Variants in DCP2 observed in about 807,000 individuals in gnomAD.
The protein encoded by DCP2 is decapping mRNA 2.
In DCP2, 30 loss-of-function variants were observed where a neutral mutation model predicts 56.1. That is an observed-to-expected ratio of 0.53 (90% confidence interval 0.40 to 0.73). The LOEUF (loss-of-function observed/expected upper bound fraction) is 0.73. Among genes scored for constraint, DCP2 ranks in the 30% least tolerant of loss-of-function variants. The probability of loss-of-function intolerance (pLI) is 0.00; values close to 1 mark genes in which losing one functional copy is unlikely to be tolerated. For missense variants in DCP2, 533 were observed against 502.7 expected, an observed-to-expected ratio of 1.06 and a Z score of -0.58; for synonymous variants, 197 against 163.3, an observed-to-expected ratio of 1.21 and a Z score of -1.57.
chr5:112,989,816 G>C (rs956116058), intron 2 of DCP2, among the ~76,000 whole-genome samples: 22 of 152,286 alleles, frequency 1.4e-4, no homozygotes, highest in Admixed American at 3.9e-4. Flanking sequence ...ATTGGATTCT[G>C]AGAATCCAGT....
intron 4 of DCP2, among the ~76,000 whole-genome samples, chr5:112,994,163 C>CTTTTT (rs771514208): frequency 1.3e-3 from 99 of 75,146 alleles, no homozygotes; most frequent in African/African-American, 3.6e-3. Context: ...TTTTTTCTTT[C>CTTTTT]TTTTTTTTTT....
intron 8 of DCP2, among the ~76,000 whole-genome samples, chr5:113,006,994 C>T (rs941029366): frequency 3.9e-5 from 6 of 151,968 alleles, no homozygotes; most frequent in East Asian, 3.9e-4. Flanking sequence ...AAAAATTAGC[C>T]GGGCATGGTG....
chr5:112,995,495 A>T (rs1748806414), intron 4 of DCP2, among the ~76,000 whole-genome samples: 1 of 152,192 alleles, frequency 6.6e-6, no homozygotes, highest in Non-Finnish European at 1.5e-5. Context: ...CCAGGTCAGG[A>T]AGAGGATATT....
intron 2 of DCP2, among the ~76,000 whole-genome samples, chr5:112,986,858 C>T (rs1474923597): frequency 2.0e-5 from 3 of 152,058 alleles, no homozygotes; most frequent in African/African-American, 4.8e-5. Context: ...AAACAGTTAC[C>T]TGGGCATGGT....
intron 4 of DCP2, among the ~76,000 whole-genome samples, chr5:113,000,420 A>ACACCCACACC (rs1554100629): frequency 2.0e-5 from 3 of 146,760 alleles, no homozygotes; most frequent in South Asian, 2.1e-4. Context: ...ACACACACAC[A>ACACCCACACC]CACACCCACA....
At chr5:112,980,445 C>G (rs1161416521) in intron 1 of DCP2, among the ~76,000 whole-genome samples, 1 of 152,170 alleles carries the variant, frequency 6.6e-6, no homozygotes, top group Non-Finnish European at 1.5e-5. Flanking sequence ...AATCCTTGTG[C>G]TAATGTCCTG....
chr5:112,999,315 T>C (rs936109530), intron 4 of DCP2, among the ~76,000 whole-genome samples: 5 of 152,070 alleles, frequency 3.3e-5, no homozygotes, highest in African/African-American at 1.2e-4. Context: ...AAAAATTACT[T>C]TTTAAACCTT....
chr5:112,985,845 T>C lies in DCP2; in HGVS notation c.64T>C (p.Leu22=), dbSNP rs1239923911. The C allele has an allele frequency of 6.2e-7, 1 of 1,603,012 alleles. No homozygotes were observed. The change falls in exon 2 of 11, where the codon TTG becomes CTG. Residue 22 remains leucine, a synonymous_variant. Coordinates refer to ENST00000389063, the MANE Select transcript of DCP2 (RefSeq NM_152624.6). ...TTTTGTTTTTGACAGCCGATTTATTTTGCATATTCCCAGCGAGGAAAGAGA... is the reference window on the plus strand; with the variant it reads ...TTTTGTTTTTGACAGCCGATTTATTCTGCATATTCCCAGCGAGGAAAGAGA... ...VLDDLCSRFI[L]HIPSEERDNA... is the part of the protein sequence containing the mutation.
At chr5:112,977,962 T>C (rs920487214) in intron 1 of DCP2, among the ~76,000 whole-genome samples, 1 of 152,032 alleles carries the variant, frequency 6.6e-6, no homozygotes, top group African/African-American at 2.4e-5. Context: ...TTTGGGGTTT[T>C]TTTTGTTTGT....
intron 4 of DCP2, among the ~76,000 whole-genome samples, chr5:112,994,459 ACT>A (rs1748757084): frequency 6.6e-6 from 1 of 152,166 alleles, no homozygotes; most frequent in African/African-American, 2.4e-5. Flanking sequence ...GGCGTGAGCC[ACT>A]GTGCCCAGCC....
rs1012999420 is a variant in DCP2 at position 113,015,493 on chromosome 5, C to G, written c.*2009C>G. ...AAGTATGGCCTCTAATGGTGTTGAG[C>G]CTTTTCAAGAACCAACAAATTATCT... On this transcript the variant is annotated 3_prime_UTR_variant, in exon 11 of 11. Coordinates refer to ENST00000389063, the MANE Select transcript of DCP2 (RefSeq NM_152624.6). The G allele has an allele frequency of 2.0e-5, 3 of 152,314 alleles. No homozygotes were observed. The highest frequency in any genetic ancestry group is 4.4e-5 in the Non-Finnish European group (3 of 67,982). 9.4% of individuals were successfully genotyped at this position (152,314 alleles called of 1,614,324 possible). A position where few individuals can be genotyped will look rare whatever the true frequency, so the allele number is the denominator to read the frequency against.
At chr5:112,990,491 T>C (rs1314831822) in intron 2 of DCP2, among the ~76,000 whole-genome samples, 1 of 152,220 alleles carries the variant, frequency 6.6e-6, no homozygotes, top group African/African-American at 2.4e-5. Context: ...TACCAGGCCC[T>C]TATAGAACCA....
At chr5:112,999,207 A>G (rs2150181993) in intron 4 of DCP2, among the ~76,000 whole-genome samples, 1 of 152,360 alleles carries the variant, frequency 6.6e-6, no homozygotes, top group African/African-American at 2.4e-5. Context: ...ATGCAGATTC[A>G]TATGACTAGC....
intron 9 of DCP2, among the ~76,000 whole-genome samples, chr5:113,008,849 CT>C (rs201529934): frequency 9.7e-4 from 143 of 147,266 alleles, no homozygotes; most frequent in East Asian, 3.0e-3. Context: ...AGACAGATAA[CT>C]TTTTTTTTTT....
At chr5:112,985,783 A>T in intron 1 of DCP2, 52 bp from the exon 2 acceptor site, 1 of 1,573,048 alleles carries the variant, frequency 6.4e-7, no homozygotes, top group Non-Finnish European at 8.7e-7. Flanking sequence ...AGCTTAAGAT[A>T]AATCGTTATA....
intron 1 of DCP2, among the ~76,000 whole-genome samples, chr5:112,981,752 T>G (rs1748016745): frequency 6.6e-6 from 1 of 152,174 alleles, no homozygotes; most frequent in South Asian, 2.1e-4. Flanking sequence ...TTGTTACTAT[T>G]GCTTGATTCC....
intron 2 of DCP2, among the ~76,000 whole-genome samples, chr5:112,988,012 G>A (rs1264414739): frequency 6.6e-6 from 1 of 152,120 alleles, no homozygotes; most frequent in East Asian, 1.9e-4. Flanking sequence ...AGTAGGGATA[G>A]GTGAGCTGAA....
intron 4 of DCP2, among the ~76,000 whole-genome samples, chr5:113,000,439 CTGAG>C (rs1226739334): frequency 2.0e-5 from 3 of 152,036 alleles, no homozygotes; most frequent in African/African-American, 7.2e-5. Context: ...CACACCCTAC[CTGAG>C]TTTTTAATAT....
chr5:113,011,164 C>T (rs1749666394), intron 10 of DCP2, among the ~76,000 whole-genome samples: 1 of 152,168 alleles, frequency 6.6e-6, no homozygotes, highest in Non-Finnish European at 1.5e-5. Flanking sequence ...AAGGGGTGCA[C>T]TGACTTTAGA....
Sources: allele counts gnomAD v4.1 joint callset (sites outside exome capture counted in the v4.1 genomes callset), GRCh38; gene constraint gnomAD v4.1.1; transcripts MANE v1.5; gene names NCBI Gene and HGNC (gene_info 2026-07-23, HGNC 2026-07-21).